The following FSHR variants were observed in gnomAD, a reference collection of about 807,000 sequenced individuals.
FSHR encodes follicle-stimulating hormone receptor.
Under a neutral mutation model 52.1 loss-of-function variants are expected in FSHR, and 46 were observed. That is an observed-to-expected ratio of 0.88 (90% confidence interval 0.70 to 1.13). The LOEUF (loss-of-function observed/expected upper bound fraction) is 1.13, where lower values mean the gene tolerates loss of function less well. Ranked by LOEUF, FSHR falls within the 50% of genes most tolerant of loss-of-function variation. The probability of loss-of-function intolerance (pLI) is 0.00; values close to 1 mark genes in which losing one functional copy is unlikely to be tolerated. For missense variants in FSHR, 964 were observed against 834.6 expected, an observed-to-expected ratio of 1.16 and a Z score of -1.91; for synonymous variants, 399 against 309.6, an observed-to-expected ratio of 1.29 and a Z score of -3.03.
chr2:48,962,955 G>T lies in FSHR; in HGVS notation c.1866C>A (p.Asn622Lys). The change falls in exon 10 of 10, where the codon AAC becomes AAA. Residue 622 changes from asparagine to lysine, a missense_variant. Coordinates refer to ENST00000406846, the MANE Select transcript of FSHR (RefSeq NM_000145.4). ...TGGTAAAGATGGCATAGAGGAAGGG[G>T]TTGGCACAGGAGTTGATGGGGTGAA... ...VLFHPINSCA[N>K]PFLYAIFTKN... The T allele has an allele frequency of 6.2e-7, 1 of 1,614,188 alleles. No homozygotes were observed. Among genetic ancestry groups the T allele is most frequent in the Non-Finnish European group, 8.5e-7 (1 of 1,180,030 alleles).
At chr2:49,145,910 G>C (rs777592747) in intron 1 of FSHR, among the ~76,000 whole-genome samples, 2 of 152,056 alleles carry the variant, frequency 1.3e-5, no homozygotes, top group African/African-American at 2.4e-5. Flanking sequence ...GGAGAAAATA[G>C]TAGTACTTGA....
intron 2 of FSHR, among the ~76,000 whole-genome samples, chr2:49,039,118 A>AT (rs1320880496): frequency 7.2e-6 from 1 of 138,074 alleles, no homozygotes; most frequent in East Asian, 2.0e-4. Context: ...AATGATATAT[A>AT]TTTTTTTACA....
chr2:49,075,669 C>T (rs1553341545), intron 1 of FSHR, among the ~76,000 whole-genome samples: 1 of 151,984 alleles, frequency 6.6e-6, no homozygotes, highest in Non-Finnish European at 1.5e-5. Flanking sequence ...GCTCTGTCAC[C>T]CAGGCTGGAG....
At chr2:48,975,789 G>A (rs1674961722) in intron 8 of FSHR, among the ~76,000 whole-genome samples, 1 of 152,228 alleles carries the variant, frequency 6.6e-6, no homozygotes. Context: ...CCCTCTGTTT[G>A]TCTATTATTG....
At chr2:49,124,853 T>A (rs1671944434) in intron 1 of FSHR, among the ~76,000 whole-genome samples, 1 of 152,224 alleles carries the variant, frequency 6.6e-6, no homozygotes, top group South Asian at 2.1e-4. Context: ...TCTTGCCTCA[T>A]CCTGAAAGAA....
Position 49,009,735 on chromosome 2 carries a change from T to C in FSHR, c.374+7754A>G, listed in dbSNP as rs1212935055. Among the ~76,000 whole-genome samples the C allele has an allele frequency of 6.1e-3, 900 of 146,918 alleles. 13 individuals are homozygous for C. The highest frequency in any genetic ancestry group is 0.021 in the African/African-American group (857 of 40,430). ...TGGTTTGTAGTTCTCCTTGAAGAGG[T>C]CCTTCACGTCCCTTGTAAGTTGGAT... is the stretch of plus-strand genomic sequence containing the variant. On this transcript the variant is annotated intron_variant, in intron 4 of 9. Transcript: ENST00000406846.
chr2:49,114,089 C>T (rs576253298), intron 1 of FSHR, among the ~76,000 whole-genome samples: 75 of 152,282 alleles, frequency 4.9e-4, no homozygotes, highest in Non-Finnish European at 1.9e-4. Flanking sequence ...TCACTGAAGA[C>T]TTGCTTCCCA....
chr2:49,064,062 T>TGTGTG, intron 2 of FSHR, among the ~76,000 whole-genome samples: 2 of 148,716 alleles, frequency 1.3e-5, no homozygotes, highest in East Asian at 4.0e-4. Flanking sequence ...CATGAAGAGT[T>TGTGTG]TGTGTGTGTG....
chr2:49,132,814 T>C (rs1482949748), intron 1 of FSHR, among the ~76,000 whole-genome samples: 1 of 152,054 alleles, frequency 6.6e-6, no homozygotes, highest in African/African-American at 2.4e-5. Context: ...ACTTCCAGCA[T>C]GACAGTTTAA....
At chr2:48,965,042 C>T (rs754194191) in intron 9 of FSHR, among the ~76,000 whole-genome samples, 26 of 151,874 alleles carry the variant, frequency 1.7e-4, no homozygotes, top group Non-Finnish European at 3.4e-4. Flanking sequence ...TTCCCTCCTT[C>T]CCCAAGGGGC....
chr2:49,055,365 A>G (rs140255432), intron 2 of FSHR, among the ~76,000 whole-genome samples: 118 of 151,580 alleles, frequency 7.8e-4, no homozygotes, highest in African/African-American at 2.5e-3. Context: ...ATAATGAAGA[A>G]AGTCTACAAA....
At chr2:49,004,676 T>C (rs1010602774) in intron 4 of FSHR, among the ~76,000 whole-genome samples, 1 of 152,122 alleles carries the variant, frequency 6.6e-6, no homozygotes, top group Non-Finnish European at 1.5e-5. Context: ...GATTAGTACA[T>C]CACTGGCTGA....
intron 4 of FSHR, among the ~76,000 whole-genome samples, chr2:49,013,284 G>A (rs891256543): frequency 2.0e-4 from 30 of 151,524 alleles, no homozygotes; most frequent in Middle Eastern, 3.4e-3. Context: ...TTTACTTAGC[G>A]TATGGTATTT....
rs536040693 is a variant in FSHR, at chr2:49,018,466, A to T, written c.300-903T>A. 6.0e-4 allele frequency among the ~76,000 whole-genome samples: 91 copies of T among 152,326 alleles called. 1 individual carries two copies. In the South Asian group the frequency reaches 0.017, roughly 28 times the overall value. On this transcript the variant is annotated intron_variant, in intron 3 of 9. Transcript: ENST00000406846. Reference sequence around the variant, plus strand: ...AAGTACCAGGCAATTAATCATTTTAAGTACAGTCAGTGCTACATGGAGGTG... The same window carrying T: ...AAGTACCAGGCAATTAATCATTTTATGTACAGTCAGTGCTACATGGAGGTG...
intron 6 of FSHR, 146 bp downstream of exon 6, chr2:48,988,831 T>C (rs1675634513): frequency 2.9e-6 from 2 of 698,850 alleles, no homozygotes; most frequent in Admixed American, 2.1e-5. Context: ...AATGTAAAGA[T>C]GAGAGAGGAA....
chr2:48,986,745 G>T (rs958904158), intron 6 of FSHR, among the ~76,000 whole-genome samples: 1 of 152,180 alleles, frequency 6.6e-6, no homozygotes, highest in Admixed American at 6.5e-5. Context: ...GGTTTGCAAA[G>T]CTATGTCAGA....
At chr2:49,126,154 T>C (rs1671989246) in intron 1 of FSHR, among the ~76,000 whole-genome samples, 1 of 152,176 alleles carries the variant, frequency 6.6e-6, no homozygotes. Flanking sequence ...TAACAGAATA[T>C]CTGAGACTGG....
intron 1 of FSHR, among the ~76,000 whole-genome samples, chr2:49,117,883 C>A (rs1409785444): frequency 6.6e-6 from 1 of 152,022 alleles, no homozygotes; most frequent in Non-Finnish European, 1.5e-5. Context: ...TGATGCTCAC[C>A]CATTGTAGCA....
chr2:48,983,129 A>G lies in FSHR; in HGVS notation c.562T>C (p.Cys188Arg). 6.2e-7 allele frequency: 1 copy of G among 1,614,166 alleles called. No homozygotes were observed. The highest frequency in any genetic ancestry group is 2.2e-5 in the East Asian group (1 of 44,878). Residue 188 changes from cysteine (C) to arginine (R), a missense_variant, in exon 7 of 10, where the codon TGT becomes CGT. Physicochemically the swap from Cys to Arg is radical, Grantham distance 180. Transcript: ENST00000406846. ...NKNGIQEIHN[C>R]AFNGTQLDEL... Reference sequence around the variant, plus strand: ...TCTAGTTGGGTTCCATTGAATGCACAGTTGTGTATTTCTTGAATCCCATTC... The same window carrying G: ...TCTAGTTGGGTTCCATTGAATGCACGGTTGTGTATTTCTTGAATCCCATTC...
Sources: gnomAD v4.1 joint callset for allele counts (sites outside exome capture counted in the v4.1 genomes callset) on GRCh38, gnomAD v4.1.1 for gene constraint, MANE v1.5 for transcripts, NCBI Gene and HGNC (gene_info 2026-07-23, HGNC 2026-07-21) for gene names.